The following ABCF2 variants were observed in gnomAD, a reference collection of about 807,000 sequenced individuals.
ABCF2 encodes ATP-binding cassette sub-family F member 2.
A neutral mutation model predicts 76.9 loss-of-function variants in ABCF2; 37 were observed. The ratio of observed to expected loss-of-function variants is 0.48; its 90% CI spans 0.37 to 0.63. The LOEUF (loss-of-function observed/expected upper bound fraction) is 0.63, where lower values mean the gene tolerates loss of function less well. ABCF2 is among the 30% of genes least tolerant of loss of function. The probability of loss-of-function intolerance (pLI) is 0.00; values close to 1 mark genes in which losing one functional copy is unlikely to be tolerated. For missense variants in ABCF2, 524 were observed against 782.1 expected (o/e 0.67, Z 3.94); for synonymous variants, 299 against 283.7 (o/e 1.05, Z -0.54).
At position 151,218,115 on chromosome 7, in the gene ABCF2, C is replaced by G; in HGVS notation, c.1304G>C (p.Gly435Ala). 6.2e-7 allele frequency: 1 copy of G among 1,614,184 alleles called. No individual in the cohort carries two copies. The highest frequency in any genetic ancestry group is 8.5e-7 in the Non-Finnish European group (1 of 1,180,000). ...RVALVGPNGA[G>A]KSTLLKLLTG... Reference sequence around the variant, plus strand: ...TAGCAGCTTCAGAAGAGTTGACTTCCCTGCTCCATTGGGCCCTACCAGAGC... The same window carrying G: ...TAGCAGCTTCAGAAGAGTTGACTTCGCTGCTCCATTGGGCCCTACCAGAGC... Residue 435 changes from glycine to alanine, a missense_variant, in exon 11 of 15, where the codon GGG (glycine) becomes GCG (alanine). Physicochemically the swap from Gly to Ala is moderately conservative, Grantham distance 60. Around this residue, in one of 2 missense-constraint regions of ABCF2, gnomAD observed 194 missense variants for 348.6 expected, o/e 0.56. Transcript: ENST00000287844.
rs983345027 is a variant in ABCF2 at position 151,215,403 on chromosome 7, C to T, written c.1530+201G>A. Among the ~76,000 whole-genome samples, 3 of 152,196 alleles carry T rather than the reference C, an allele frequency of 2.0e-5. No individual in the cohort carries two copies. The highest frequency in any genetic ancestry group is 4.4e-5 in the Non-Finnish European group (3 of 68,036). The stretch of plus-strand genomic sequence containing the variant: ...CACAAGGGCATGTCAGAGACTGGCA[C>T]GCTATCCTTGCCCCCTCAAAATGCT... On this transcript the variant is annotated intron_variant, in intron 13 of 14. Transcript: ENST00000287844. The surrounding 1 kb of genome is among the most constrained non-coding windows in gnomAD (Gnocchi z 4.6).
chr7:151,211,860 G>T lies in ABCF2; in HGVS notation c.*2194C>A. 1.0e-6 allele frequency: 1 copy of T among 985,438 alleles called. No homozygotes were observed. The highest frequency in any genetic ancestry group is 1.2e-6 in the Non-Finnish European group (1 of 829,932). The allele number at this position is 985,438 out of a possible 1,614,324, so 61.0% of individuals were successfully genotyped here. A position where few individuals can be genotyped will look rare whatever the true frequency, so the allele number is the denominator to read the frequency against. On this transcript the variant is annotated 3_prime_UTR_variant, in exon 15 of 15. Coordinates refer to ENST00000287844, the MANE Select transcript of ABCF2 (RefSeq NM_007189.3). ...CTCTGGGGTCAGAGGACTCCCATCTGTCTCAGCTGCAGTGTCTCACGGGAG... is the reference window on the plus strand; with the variant it reads ...CTCTGGGGTCAGAGGACTCCCATCTTTCTCAGCTGCAGTGTCTCACGGGAG...
intron 3 of ABCF2, 148 bp from the exon 4 acceptor site, chr7:151,224,262 G>A: frequency 1.3e-6 from 1 of 789,520 alleles, no homozygotes; most frequent in Non-Finnish European, 2.0e-6. Flanking sequence ...AATCTTGCCA[G>A]CCCCCATTCT....
At position 151,214,830 on chromosome 7, in the gene ABCF2, C is replaced by T. The variant is rs1325900750; in HGVS notation, c.1734+49G>A. On this transcript the variant is annotated intron_variant, in intron 14 of 14. Transcript: ENST00000287844. This position sits in a 1 kb window ranked among gnomAD's most constrained non-coding sequence, Gnocchi z 4.9. ...CTCCACATGCCATGACTACCCTACC[C>T]AACCCCCTAGAAGCTCTGCTGTGCC... The T allele has an allele frequency of 1.9e-6, 3 of 1,588,016 alleles. No homozygotes were observed. The highest frequency in any genetic ancestry group is 2.2e-5 in the East Asian group (1 of 44,688).
Position 151,212,515 on chromosome 7 carries a change from T to A in ABCF2, c.*1539A>T, listed in dbSNP as rs760176370. The A allele has an allele frequency of 4.1e-6, 4 of 984,978 alleles. No individual in the cohort carries two copies. Among genetic ancestry groups the A allele is most frequent in the Non-Finnish European group, 4.8e-6 (4 of 829,476 alleles). The allele number at this position is 984,978 out of a possible 1,614,324, so 61.0% of individuals were successfully genotyped here. On this transcript the variant is annotated 3_prime_UTR_variant, in exon 15 of 15. Transcript: ENST00000287844. ...TCAGCAATCTGAATTTTTTTATTTT[T>A]TTGAGACAGTGTCTCGGTCTGTCAT... is the stretch of plus-strand genomic sequence containing the variant.
rs930204175 is a variant in ABCF2 at position 151,213,490 on chromosome 7, G to C, written c.*564C>G. 17 of 985,676 alleles carry C rather than the reference G, an allele frequency of 1.7e-5. No individual in the cohort carries two copies. The highest frequency in any genetic ancestry group is 6.1e-5 in the Admixed American group (1 of 16,284). The allele number at this position is 985,676 out of a possible 1,614,324, so 61.1% of individuals were successfully genotyped here. A position where few individuals can be genotyped will look rare whatever the true frequency, so the allele number is the denominator to read the frequency against. On this transcript the variant is annotated 3_prime_UTR_variant, in exon 15 of 15. Coordinates refer to ENST00000287844, the MANE Select transcript of ABCF2 (RefSeq NM_007189.3). ...AGGGAGGAGAAGGCCCCAGAGACCC[G>C]AGAAGGAAGGTAGGGACCGTGGCTT... is the stretch of plus-strand genomic sequence containing the variant.
chr7:151,213,157 A>G lies in ABCF2; in HGVS notation c.*897T>C, dbSNP rs895416085. On this transcript the variant is annotated 3_prime_UTR_variant, in exon 15 of 15. Coordinates refer to ENST00000287844, the MANE Select transcript of ABCF2 (RefSeq NM_007189.3). Reference sequence around the variant, plus strand: ...ACGCTCCTGGACAGTGGTTCTCAAAATAGTCTCTAGACCAGCAACAACAGC... The same window carrying G: ...ACGCTCCTGGACAGTGGTTCTCAAAGTAGTCTCTAGACCAGCAACAACAGC... 10 of 985,268 alleles carry G rather than the reference A, an allele frequency of 1.0e-5. No homozygotes were observed. The African/African-American group carries it at 1.7e-4, about 17-fold the overall frequency. 61.0% of individuals were successfully genotyped at this position (985,268 alleles called of 1,614,324 possible).
In ABCF2 at chr7:151,212,909, C is replaced by T; in HGVS notation, c.*1145G>A. 1 of 213,688 alleles carries T rather than the reference C, an allele frequency of 4.7e-6. No homozygotes were observed. The highest frequency in any genetic ancestry group is 8.0e-6 in the Non-Finnish European group (1 of 124,418). 13.2% of individuals were successfully genotyped at this position (213,688 alleles called of 1,614,324 possible). A position where few individuals can be genotyped will look rare whatever the true frequency, so the allele number is the denominator to read the frequency against. On this transcript the variant is annotated 3_prime_UTR_variant, in exon 15 of 15. Coordinates refer to ENST00000287844, the MANE Select transcript of ABCF2 (RefSeq NM_007189.3). ...CACCTCCTGGGCTCAAGCGATCCAT[C>T]CACCCTAGCCACCTGAGCAGGTGGG...
Position 151,212,970 on chromosome 7 carries a change from C to T in ABCF2, c.*1084G>A. ...CATAAAGACGGGTTTTGCCATGTTT[C>T]CCAAGCTGGTCTTGAACTCCTGAGC... On this transcript the variant is annotated 3_prime_UTR_variant, in exon 15 of 15. Coordinates refer to ENST00000287844, the MANE Select transcript of ABCF2 (RefSeq NM_007189.3). 1 of 676,278 alleles carries T rather than the reference C, an allele frequency of 1.5e-6. No homozygotes were observed. Among genetic ancestry groups the T allele is most frequent in the Non-Finnish European group, 1.8e-6 (1 of 547,816 alleles). The allele number at this position is 676,278 out of a possible 1,614,324, so 41.9% of individuals were successfully genotyped here.
intron 1 of ABCF2, chr7:151,226,909 T>G (rs1363737253): frequency 1.3e-5 from 2 of 155,564 alleles, no homozygotes; most frequent in Admixed American, 6.5e-5. Context: ...ATCGTCCCTC[T>G]CCACATCACC....
chr7:151,218,412 T>C (rs1036143745), intron 10 of ABCF2, 149 bp downstream of exon 10: 16 of 758,120 alleles, frequency 2.1e-5, no homozygotes, highest in Non-Finnish European at 3.2e-5. Context: ...GCGAGCAGCC[T>C]TGGATGAGGC....
Position 151,223,694 on chromosome 7 carries a change from T to G in ABCF2, c.706A>C (p.Arg236=). ...LKDFSGGWRM[R]VALARALFIR... ...GGGACTCACCTGGCAAGGGCAACCCTCATCCTCCAGCCCCCACTGAAGTCT... is the reference window on the plus strand; with the variant it reads ...GGGACTCACCTGGCAAGGGCAACCCGCATCCTCCAGCCCCCACTGAAGTCT... The change falls in exon 5 of 15, where the codon AGG becomes CGG. Residue 236 remains arginine, a synonymous_variant. Coordinates refer to ENST00000287844, the MANE Select transcript of ABCF2 (RefSeq NM_007189.3). 1 of 1,603,080 alleles carries G rather than the reference T, an allele frequency of 6.2e-7. No individual in the cohort carries two copies. Among genetic ancestry groups the G allele is most frequent in the Non-Finnish European group, 8.5e-7 (1 of 1,172,318 alleles).
At chr7:151,220,946 C>T (rs964240742) in intron 7 of ABCF2, among the ~76,000 whole-genome samples, 1 of 152,200 alleles carries the variant, frequency 6.6e-6, no homozygotes, top group African/African-American at 2.4e-5. Context: ...TGAGATCATG[C>T]CAGCCTGGGT....
intron 11 of ABCF2, 70 bp from the exon 12 acceptor site, chr7:151,216,099 G>GCAAA (rs1802145722): frequency 1.5e-6 from 2 of 1,350,790 alleles, no homozygotes; most frequent in Non-Finnish European, 1.1e-6. Context: ...GGCAGAGCAG[G>GCAAA]CAAACAAACA....
rs765768648 is a variant in ABCF2 at position 151,212,523 on chromosome 7, A to G, written c.*1531T>C. On this transcript the variant is annotated 3_prime_UTR_variant, in exon 15 of 15. Coordinates refer to ENST00000287844, the MANE Select transcript of ABCF2 (RefSeq NM_007189.3). ...CTGAATTTTTTTATTTTTTTGAGAC[A>G]GTGTCTCGGTCTGTCATCAGGCTGG... 1 of 983,460 alleles carries G rather than the reference A, an allele frequency of 1.0e-6. No individual in the cohort carries two copies. Among genetic ancestry groups the G allele is most frequent in the Non-Finnish European group, 1.2e-6 (1 of 828,092 alleles). The allele number at this position is 983,460 out of a possible 1,614,324, so 60.9% of individuals were successfully genotyped here.
Position 151,224,060 on chromosome 7 carries a change from T to C in ABCF2, c.422A>G (p.His141Arg). 2 of 1,614,158 alleles carry C rather than the reference T, an allele frequency of 1.2e-6. No individual in the cohort carries two copies. Among genetic ancestry groups the C allele is most frequent in the Non-Finnish European group, 8.5e-7 (1 of 1,180,020 alleles). The part of the protein sequence containing the change: ...IGKREVPIPE[H>R]IDIYHLTREM... ...TCGAGTCAGATGGTAGATGTCGATG[T>C]GCTCAGGGATGGGCACTTCACGCTT... The change falls in exon 4 of 15, where the codon CAC becomes CGC. Residue 141 changes from histidine to arginine, a missense_variant. By Grantham distance (29) the His-to-Arg change is conservative (BLOSUM62 0). Coordinates refer to ENST00000287844, the MANE Select transcript of ABCF2 (RefSeq NM_007189.3).
intron 5 of ABCF2, among the ~76,000 whole-genome samples, 195 bp from the exon 6 acceptor site, chr7:151,222,811 G>A (rs1280979722): frequency 1.3e-5 from 2 of 152,196 alleles, no homozygotes; most frequent in Non-Finnish European, 2.9e-5. Flanking sequence ...AGATTGAAGA[G>A]TAGAATACGG....
chr7:151,213,382 CTCCTATGGACTAGTCTTCAGT>C lies in ABCF2; in HGVS notation c.*651_*671del. ...AAGTAAAGGGACAAAGTTCTTCCAGCTCCTATGGACTAGTCTTCAGTTCCCATCGACACACTGACGCTGGAT... is the reference window on the plus strand; with the variant it reads ...AAGTAAAGGGACAAAGTTCTTCCAGCTCCCATCGACACACTGACGCTGGAT... On this transcript the variant is annotated 3_prime_UTR_variant, in exon 15 of 15. Transcript: ENST00000287844. The C allele has an allele frequency of 1.0e-6, 1 of 985,404 alleles. No homozygotes were observed. Among genetic ancestry groups the C allele is most frequent in the Non-Finnish European group, 1.2e-6 (1 of 829,912 alleles). 61.0% of individuals were successfully genotyped at this position (985,404 alleles called of 1,614,324 possible).
In ABCF2 at chr7:151,213,723, A is replaced by C; in HGVS notation, c.*331T>G. 9.1e-7 allele frequency: 1 copy of C among 1,100,686 alleles called. No homozygotes were observed. Among genetic ancestry groups the C allele is most frequent in the Non-Finnish European group, 1.1e-6 (1 of 905,154 alleles). 68.2% of individuals were successfully genotyped at this position (1,100,686 alleles called of 1,614,324 possible). ...GGATCCTAAGCTCCTCCGCAGGCCA[A>C]ATCCAGGGCTTGGGCCCCTGGGCTA... On this transcript the variant is annotated 3_prime_UTR_variant, in exon 15 of 15. Transcript: ENST00000287844.
Sources: gnomAD v4.1 joint callset for allele counts (sites outside exome capture counted in the v4.1 genomes callset) on GRCh38, gnomAD v4.1.1 for gene constraint, gnomAD v4.1.1 regional missense constraint, Gnocchi (gnomAD v3.1) non-coding constraint, MANE v1.5 for transcripts, NCBI Gene and HGNC (gene_info 2026-07-23, HGNC 2026-07-21) for gene names.